The following RYR3 variants were observed in gnomAD, a reference collection of about 807,000 sequenced individuals.
RYR3 encodes brain ryanodine receptor-calcium release channel.
In RYR3, 207 loss-of-function variants were observed where a neutral mutation model predicts 584.3. The ratio of observed to expected loss-of-function variants is 0.35; its 90% CI spans 0.32 to 0.40. The LOEUF is 0.40. RYR3 is among the 10% of genes least tolerant of loss of function. The probability of loss-of-function intolerance (pLI) is 1.00; values close to 1 mark genes in which losing one functional copy is unlikely to be tolerated. For synonymous variants in RYR3, 2,416 were observed against 2,248.5 expected, an observed-to-expected ratio of 1.07 and a Z score of -2.11; for missense variants, 5,616 against 6,089.2, an observed-to-expected ratio of 0.92 and a Z score of 2.59.
At chr15:33,548,889 C>T (rs751671517) in intron 9 of RYR3, among the ~76,000 whole-genome samples, 11 of 152,158 alleles carry the variant, frequency 7.2e-5, no homozygotes, top group Non-Finnish European at 1.6e-4. Flanking sequence ...GCATCGCCCT[C>T]TGATTTTCCT....
intron 1 of RYR3, among the ~76,000 whole-genome samples, chr15:33,370,625 G>A (rs2040264824): frequency 6.6e-6 from 1 of 152,174 alleles, no homozygotes; most frequent in African/African-American, 2.4e-5. Flanking sequence ...TCATTTTATA[G>A]CTAGGCATTT....
At chr15:33,558,624 G>A (rs996108603) in intron 10 of RYR3, among the ~76,000 whole-genome samples, 2 of 152,138 alleles carry the variant, frequency 1.3e-5, no homozygotes, top group Admixed American at 1.3e-4. Flanking sequence ...ACAGTGTGGC[G>A]ATTCCTCAGG....
chr15:33,699,312 C>A (rs1249948349), intron 40 of RYR3, among the ~76,000 whole-genome samples: 1 of 128,310 alleles, frequency 7.8e-6, no homozygotes, highest in African/African-American at 3.0e-5. Flanking sequence ...CTCACTCTTT[C>A]CTCACTTTCT....
intron 5 of RYR3, among the ~76,000 whole-genome samples, chr15:33,534,167 G>A (rs774676504): frequency 1.3e-5 from 2 of 152,206 alleles, no homozygotes; most frequent in Non-Finnish European, 2.9e-5. Context: ...TTGGGAGGCC[G>A]AGGCTGGCGG....
At chr15:33,405,272 G>T (rs1482297178) in intron 1 of RYR3, among the ~76,000 whole-genome samples, 1 of 152,184 alleles carries the variant, frequency 6.6e-6, no homozygotes, top group Non-Finnish European at 1.5e-5. Flanking sequence ...GGAGACTGAG[G>T]TTATAAACCA....
intron 1 of RYR3, among the ~76,000 whole-genome samples, chr15:33,323,242 G>A (rs193019172): frequency 3.3e-5 from 5 of 152,000 alleles, no homozygotes; most frequent in African/African-American, 1.2e-4. Flanking sequence ...CTCCCGAGTA[G>A]CTGGGACTAC....
chr15:33,610,135 C>G lies in RYR3; in HGVS notation c.2165-3048C>G, dbSNP rs1291159579. On this transcript the variant is annotated intron_variant, in intron 18 of 103. Coordinates refer to ENST00000634891, the MANE Select transcript of RYR3 (RefSeq NM_001036.6). ...GGTGGTCCAAGCTGGATGCTCCTGT[C>G]CAGCTTTATTGCCCCACCATATCTC... 4.6e-5 allele frequency among the ~76,000 whole-genome samples: 7 copies of G among 152,132 alleles called. No individual in the cohort carries two copies. In the East Asian group the frequency reaches 1.3e-3, roughly 29 times the overall value.
Position 33,837,811 on chromosome 15 carries a change from T to C in RYR3, c.11831T>C (p.Phe3944Ser). 1 of 1,613,908 alleles carries C rather than the reference T, an allele frequency of 6.2e-7. No individual in the cohort carries two copies. The highest frequency in any genetic ancestry group is 8.5e-7 in the Non-Finnish European group (1 of 1,179,868). ...DGKGIISKKEFQKAMEGQKQY... is the reference protein window; with the variant it reads ...DGKGIISKKESQKAMEGQKQY... ...AAAGGAATTATCTCCAAAAAAGAAT[T>C]CCAGAAGGCCATGGAAGGGCAAAAA... Residue 3944 changes from phenylalanine to serine, a missense_variant, in exon 89 of 104, where the codon TTC becomes TCC. Physicochemically the swap from Phe to Ser is radical, Grantham distance 155 (BLOSUM62 -2). Around this residue, in one of 9 missense-constraint regions of RYR3, gnomAD observed 258 missense variants for 297.3 expected, o/e 0.87. Coordinates refer to ENST00000634891, the MANE Select transcript of RYR3 (RefSeq NM_001036.6).
chr15:33,510,748 A>G (rs1409192214), intron 3 of RYR3, among the ~76,000 whole-genome samples: 2 of 152,108 alleles, frequency 1.3e-5, no homozygotes, highest in Non-Finnish European at 2.9e-5. Context: ...CCTCCAAACT[A>G]AAGTTTCAAT....
At chr15:33,465,431 C>T (rs2048403546) in intron 1 of RYR3, among the ~76,000 whole-genome samples, 1 of 152,160 alleles carries the variant, frequency 6.6e-6, no homozygotes, top group Admixed American at 6.5e-5. Context: ...CAGTGTACAT[C>T]TAGCATGCAA....
At chr15:33,423,910 C>T (rs1036423651) in intron 1 of RYR3, among the ~76,000 whole-genome samples, 3 of 152,046 alleles carry the variant, frequency 2.0e-5, no homozygotes, top group Non-Finnish European at 2.9e-5. Context: ...TAAGAAAACC[C>T]GTTGCTCTGA....
intron 59 of RYR3, among the ~76,000 whole-genome samples, chr15:33,756,994 G>A (rs1367000764): frequency 6.6e-6 from 1 of 152,112 alleles, no homozygotes; most frequent in Non-Finnish European, 1.5e-5. Context: ...AAACACAGTG[G>A]GATCCTGTTG....
In RYR3 at chr15:33,823,136, G is replaced by A; in HGVS notation, c.11072+64G>A. 3 of 1,383,560 alleles carry A rather than the reference G, an allele frequency of 2.2e-6. No homozygotes were observed. The South Asian group carries it at 3.8e-5, about 18-fold the overall frequency. The allele number at this position is 1,383,560 out of a possible 1,614,324, so 85.7% of individuals were successfully genotyped here. A position where few individuals can be genotyped will look rare whatever the true frequency, so the allele number is the denominator to read the frequency against. On this transcript the variant is annotated intron_variant, in intron 81 of 103. Transcript: ENST00000634891. Reference sequence around the variant, plus strand: ...TTCCCTCTAAGCATAGGAGGCAGGGGAAGGGGAGCACAAAATATACTGGCC... The same window carrying A: ...TTCCCTCTAAGCATAGGAGGCAGGGAAAGGGGAGCACAAAATATACTGGCC...
rs1444985162 is a variant in RYR3 at position 33,660,229 on chromosome 15, G to A, written c.4428G>A (p.Arg1476=). The change falls in exon 34 of 104, where the codon AGG becomes AGA. Residue 1476 remains arginine, a synonymous_variant. Transcript: ENST00000634891. ...NAMPLSAAIF[R]SEEKNPVPQC... Reference sequence around the variant, plus strand: ...TGCCCCTGTCAGCGGCCATATTCAGGAGTGAAGAGAAGAACCCAGTCCCAC... The same window carrying A: ...TGCCCCTGTCAGCGGCCATATTCAGAAGTGAAGAGAAGAACCCAGTCCCAC... 1.3e-6 allele frequency: 2 copies of A among 1,553,048 alleles called. No individual in the cohort carries two copies. The highest frequency in any genetic ancestry group is 4.9e-5 in the East Asian group (2 of 40,962).
Position 33,566,779 on chromosome 15 carries a change from C to G in RYR3, c.1248C>G (p.Ala416=), listed in dbSNP as rs1297172796. Residue 416 remains alanine, a synonymous_variant, in exon 12 of 104, where the codon GCC becomes GCG. Coordinates refer to ENST00000634891, the MANE Select transcript of RYR3 (RefSeq NM_001036.6). ...QAARIIRNTT[A]LFSQFVSGNN... ...CTCGGATCATCCGGAACACTACAGC[C>G]TTATTCAGCCAGTTTGTCAGGTATG... is the stretch of plus-strand genomic sequence containing the variant. 1 of 1,613,736 alleles carries G rather than the reference C, an allele frequency of 6.2e-7. No homozygotes were observed. The highest frequency in any genetic ancestry group is 1.7e-4 in the Middle Eastern group (1 of 6,054).
chr15:33,435,208 T>C (rs984907971), intron 1 of RYR3, among the ~76,000 whole-genome samples: 1 of 152,220 alleles, frequency 6.6e-6, no homozygotes, highest in Non-Finnish European at 1.5e-5. Flanking sequence ...GATCATTTCA[T>C]CACCCAGGTA....
At position 33,533,299 on chromosome 15, in the gene RYR3, C is replaced by T; in HGVS notation, c.355-12C>T. 1.3e-6 allele frequency: 2 copies of T among 1,585,212 alleles called. No individual in the cohort carries two copies. The highest frequency in any genetic ancestry group is 1.7e-6 in the Non-Finnish European group (2 of 1,162,136). On this transcript the variant is annotated splice_polypyrimidine_tract_variant and intron_variant, in intron 4 of 103. Coordinates refer to ENST00000634891, the MANE Select transcript of RYR3 (RefSeq NM_001036.6). ...GAGTGTGACTTCACTAGTATTTGCTCTTCTTTCACAGTATCTAACATGCTT... is the reference window on the plus strand; with the variant it reads ...GAGTGTGACTTCACTAGTATTTGCTTTTCTTTCACAGTATCTAACATGCTT...
intron 103 of RYR3, chr15:33,864,908 G>GAGGGGGATTTTTC (rs1889942009): frequency 8.0e-6 from 4 of 502,882 alleles, no homozygotes; most frequent in Non-Finnish European, 1.4e-5. Flanking sequence ...GTTTGGGGCA[G>GAGGGGGATTTTTC]AGGGGGATTT....
At chr15:33,387,060 C>T (rs1163008403) in intron 1 of RYR3, among the ~76,000 whole-genome samples, 2 of 151,880 alleles carry the variant, frequency 1.3e-5, no homozygotes, top group Non-Finnish European at 2.9e-5. Context: ...GGTTTCACCA[C>T]GTTAGCCAGG....
Sources: gnomAD v4.1 joint callset for allele counts (sites outside exome capture counted in the v4.1 genomes callset) on GRCh38, gnomAD v4.1.1 for gene constraint, gnomAD v4.1.1 regional missense constraint, MANE v1.5 for transcripts, NCBI Gene and HGNC (gene_info 2026-07-23, HGNC 2026-07-21) for gene names.